The following DDB1 variants were observed in gnomAD, a reference collection of about 807,000 sequenced individuals.
DDB1 encodes DNA damage-binding protein 1.
Under a neutral mutation model 133.1 loss-of-function variants are expected in DDB1, and 18 were observed. That is an observed-to-expected ratio of 0.14 (90% CI 0.09 to 0.20). The LOEUF is 0.20. Ranked by LOEUF, DDB1 falls within the 10% of genes least tolerant of loss-of-function variation. DDB1 has a pLI of 1.00. For missense variants in DDB1, 828 were observed against 1,459.2 expected, an observed-to-expected ratio of 0.57 and a Z score of 7.05; for synonymous variants, 580 against 550.5, an observed-to-expected ratio of 1.05 and a Z score of -0.75.
chr11:61,307,690 CTCAT>C (rs1855899693), intron 21 of DDB1, among the ~76,000 whole-genome samples: 1 of 152,200 alleles, frequency 6.6e-6, no homozygotes, highest in South Asian at 2.1e-4. Context: ...CCATACCTCT[CTCAT>C]TGTTATCTAG....
At chr11:61,309,175 C>G (rs1855921300) in intron 20 of DDB1, 98 bp from the exon 21 acceptor site, 29 of 1,116,938 alleles carry the variant, frequency 2.6e-5, no homozygotes, top group Non-Finnish European at 3.8e-5. Flanking sequence ...TTCTTGCCCC[C>G]CAAAACCACT....
chr11:61,299,715 C>T lies in DDB1; in HGVS notation c.*421G>A, dbSNP rs543959245. The T allele has an allele frequency of 4.8e-6, 1 of 209,430 alleles. No homozygotes were observed. Among genetic ancestry groups the T allele is most frequent in the South Asian group, 7.7e-5 (1 of 12,950 alleles). The allele number at this position is 209,430 out of a possible 1,614,324, so 13.0% of individuals were successfully genotyped here. On this transcript the variant is annotated 3_prime_UTR_variant, in exon 27 of 27. Coordinates refer to ENST00000301764, the MANE Select transcript of DDB1 (RefSeq NM_001923.5). The stretch of plus-strand genomic sequence containing the variant: ...GAAACCCTCCTAACCCTCTTCCCCA[C>T]TACCCACAACTCCCTACACTGCCAA...
At chr11:61,318,303 T>C (rs1279861983) in intron 10 of DDB1, among the ~76,000 whole-genome samples, 3 of 152,250 alleles carry the variant, frequency 2.0e-5, no homozygotes, top group Non-Finnish European at 4.4e-5. Flanking sequence ...TTTATGTCAC[T>C]TTATACATAT....
chr11:61,312,873 A>G lies in DDB1; in HGVS notation c.2069+626T>C, dbSNP rs1024783114. 2.6e-5 allele frequency among the ~76,000 whole-genome samples: 4 copies of G among 151,988 alleles called. No individual in the cohort carries two copies. The East Asian group carries it at 7.7e-4, about 29-fold the overall frequency. On this transcript the variant is annotated intron_variant, in intron 16 of 26. Transcript: ENST00000301764. ...CTCAGCCTCCCAAAGAGCTAGGATT[A>G]CAGGCATGAGCCACTGCACCCAGCA...
At position 61,308,973 on chromosome 11, in the gene DDB1, C is replaced by A. The variant is rs1307909127; in HGVS notation, c.2661+10G>T. 8.1e-6 allele frequency: 13 copies of A among 1,613,876 alleles called. No homozygotes were observed. In the South Asian group the frequency reaches 1.1e-4, roughly 14 times the overall value. On this transcript the variant is annotated intron_variant, in intron 21 of 26. Transcript: ENST00000301764. ...AGCCTAAAGTAAGTACCAAGTGGTC[C>A]AGGCCTCACCGTGCTATTGATGCTG...
Position 61,299,985 on chromosome 11 carries a change from G to T in DDB1, c.*151C>A. 1.4e-6 allele frequency: 1 copy of T among 691,402 alleles called. No homozygotes were observed. Among genetic ancestry groups the T allele is most frequent in the Non-Finnish European group, 2.5e-6 (1 of 398,392 alleles). 42.8% of individuals were successfully genotyped at this position (691,402 alleles called of 1,614,324 possible). A position where few individuals can be genotyped will look rare whatever the true frequency, so the allele number is the denominator to read the frequency against. ...TCATTCCCAAGTCTCTATGAAGCCC[G>T]CCCCACTTCCACATAGGGGAACTGT... On this transcript the variant is annotated 3_prime_UTR_variant, in exon 27 of 27. Transcript: ENST00000301764.
rs368040054 is a variant in DDB1, at chr11:61,313,984, G to T, written c.1754-15C>A. On this transcript the variant is annotated splice_polypyrimidine_tract_variant and intron_variant, in intron 14 of 26. Coordinates refer to ENST00000301764, the MANE Select transcript of DDB1 (RefSeq NM_001923.5). ...AGGAATGATCTCTGTGAGAAAGGGG[G>T]ACATTATGTTCTTGTTCCACATTTT... is the stretch of plus-strand genomic sequence containing the variant. The T allele has an allele frequency of 4.3e-6, 7 of 1,614,098 alleles. No homozygotes were observed. The highest frequency in any genetic ancestry group is 3.4e-6 in the Non-Finnish European group (4 of 1,180,012).
chr11:61,302,343 C>T lies in DDB1; in HGVS notation c.3129G>A (p.Leu1043=). The T allele has an allele frequency of 1.2e-6, 2 of 1,614,192 alleles. No homozygotes were observed. Among genetic ancestry groups the T allele is most frequent in the South Asian group, 1.1e-5 (1 of 91,088 alleles). Residue 1043 remains leucine, a synonymous_variant, in exon 25 of 27, where the codon CTG becomes CTA. Coordinates refer to ENST00000301764, the MANE Select transcript of DDB1 (RefSeq NM_001923.5). ...GCAGGAGGTTGTACCAGCTCTCTGA[C>T]AGTGAGGTCACCAGCCCTGAAGAAG... is the stretch of plus-strand genomic sequence containing the variant. ...VNGMIGLVTS[L]SESWYNLLLD... is the part of the protein sequence containing the mutation.
intron 10 of DDB1, among the ~76,000 whole-genome samples, chr11:61,317,576 G>A (rs1232488932): frequency 1.3e-5 from 2 of 150,066 alleles, no homozygotes; most frequent in African/African-American, 4.9e-5. Context: ...GCACGATCTC[G>A]GCTCACTACA....
rs1482952764 is a variant in DDB1, at chr11:61,322,430, TG to T, written c.1006-19del. ...ACGTTGAGCTAATAAGAAAGAACAA[TG>T]TTATGTTAGTCCTAGAACACCCTAA... On this transcript the variant is annotated intron_variant, in intron 8 of 26. Transcript: ENST00000301764. The T allele has an allele frequency of 6.3e-7, 1 of 1,593,972 alleles. No homozygotes were observed. Among genetic ancestry groups the T allele is most frequent in the Non-Finnish European group, 8.6e-7 (1 of 1,161,696 alleles).
At position 61,300,630 on chromosome 11, in the gene DDB1, C is replaced by A. The variant is rs28720358; in HGVS notation, c.3339+179G>T. 7.9e-5 allele frequency among the ~76,000 whole-genome samples: 12 copies of A among 151,616 alleles called. No individual in the cohort carries two copies. The East Asian group carries it at 2.3e-3, about 29-fold the overall frequency. On this transcript the variant is annotated intron_variant, in intron 26 of 26. Transcript: ENST00000301764. ...GCATCTGGTACCTAGTGGGTACCCA[C>A]GAGCCACAACTACAAACATCTCTTT...
At chr11:61,321,481 C>A in intron 10 of DDB1, 114 bp downstream of exon 10, 3 of 702,134 alleles carry the variant, frequency 4.3e-6, no homozygotes, top group Non-Finnish European at 7.3e-6. Context: ...TTACGACTTT[C>A]ACTCTTCACT....
At chr11:61,314,551 G>A in intron 12 of DDB1, 65 bp from the exon 13 acceptor site, 1 of 1,497,072 alleles carries the variant, frequency 6.7e-7, no homozygotes, top group Non-Finnish European at 9.0e-7. Context: ...GGAGTGGAAA[G>A]GTGGTAAATG....
chr11:61,303,092 G>A lies in DDB1; in HGVS notation c.2896C>T (p.Leu966=), dbSNP rs745996221. ...AVEILDDDNF[L]GAENAFNLFV... is the part of the protein sequence containing the mutation. The stretch of plus-strand genomic sequence containing the variant: ...AAGTTAAAGGCATTTTCAGCCCCCA[G>A]AAAATTGTCATCATCCAAGATTTCC... Residue 966 remains leucine (L), a synonymous_variant, in exon 23 of 27, where the codon CTG becomes TTG. Coordinates refer to ENST00000301764, the MANE Select transcript of DDB1 (RefSeq NM_001923.5). The A allele has an allele frequency of 6.2e-7, 1 of 1,614,154 alleles. No individual in the cohort carries two copies. The highest frequency in any genetic ancestry group is 8.5e-7 in the Non-Finnish European group (1 of 1,180,020).
At chr11:61,328,238 T>C (rs1195478444) in intron 4 of DDB1, among the ~76,000 whole-genome samples, 2 of 152,236 alleles carry the variant, frequency 1.3e-5, no homozygotes, top group Non-Finnish European at 2.9e-5. Context: ...CCTTATTCAA[T>C]TGGGTCTTAT....
chr11:61,317,724 T>G (rs965969266), intron 10 of DDB1, among the ~76,000 whole-genome samples: 1 of 152,166 alleles, frequency 6.6e-6, no homozygotes, highest in African/African-American at 2.4e-5. Flanking sequence ...GCCAGGATGG[T>G]CTCGATCTCC....
chr11:61,314,449 G>T lies in DDB1; in HGVS notation c.1448C>A (p.Pro483His). The T allele has an allele frequency of 1.9e-6, 3 of 1,613,780 alleles. No individual in the cohort carries two copies. The highest frequency in any genetic ancestry group is 2.5e-6 in the Non-Finnish European group (3 of 1,179,916). ...CTTCCATTCACTGACCAGAGCTTTG[G>T]GTTCTTGAGAGACCAACCTCACCGA... ...SASVRLVSQE[P>H]KALVSEWKEP... The change falls in exon 13 of 27, where the codon CCC (proline) becomes CAC (histidine). Residue 483 changes from proline (P) to histidine (H), a missense_variant. Around this residue, in one of 7 missense-constraint regions of DDB1, gnomAD observed 396 missense variants for 554.1 expected, o/e 0.71. Coordinates refer to ENST00000301764, the MANE Select transcript of DDB1 (RefSeq NM_001923.5).
chr11:61,320,069 A>C (rs911516943), intron 10 of DDB1, among the ~76,000 whole-genome samples: 4 of 152,140 alleles, frequency 2.6e-5, no homozygotes, highest in African/African-American at 9.7e-5. Context: ...AAAGCTATTA[A>C]TTTCAGTACA....
At chr11:61,322,462 C>G in intron 8 of DDB1, 50 bp from the exon 9 acceptor site, 6 of 1,386,718 alleles carry the variant, frequency 4.3e-6, no homozygotes, top group Non-Finnish European at 5.1e-6. Context: ...CCTAACAGAC[C>G]CACCCAAAAG....
Sources: allele counts gnomAD v4.1 joint callset (sites outside exome capture counted in the v4.1 genomes callset), GRCh38; gene constraint gnomAD v4.1.1; regional missense constraint gnomAD v4.1.1; transcripts MANE v1.5; gene names NCBI Gene and HGNC (gene_info 2026-07-23, HGNC 2026-07-21).